PTPRG: variants seen among roughly 807,000 people sequenced by gnomAD.
PTPRG encodes the protein protein tyrosine phosphatase receptor type G.
PTPRG carries 102 observed loss-of-function variants against 165.3 expected under a neutral mutation model. The observed-to-expected ratio is 0.62, with a 90% CI of 0.53 to 0.73. The LOEUF is 0.73. PTPRG is among the 30% of genes least tolerant of loss of function. The pLI is 0.00. For missense variants in PTPRG, 1,866 were observed against 1,861.4 expected, an observed-to-expected ratio of 1.00 and a Z score of -0.05; for synonymous variants, 675 against 669.5, an observed-to-expected ratio of 1.01 and a Z score of -0.13.
At chr3:61,687,390 C>T (rs1468185077) in intron 1 of PTPRG, among the ~76,000 whole-genome samples, 1 of 152,184 alleles carries the variant, frequency 6.6e-6, no homozygotes, top group South Asian at 2.1e-4. Flanking sequence ...TCATACAACA[C>T]TGGTTAATGA....
At chr3:61,643,883 T>A (rs150819276) in intron 1 of PTPRG, among the ~76,000 whole-genome samples, 1,671 of 152,350 alleles carry the variant, frequency 0.011, 26 homozygotes, top group African/African-American at 0.038. Flanking sequence ...TGGATTCTTA[T>A]AGATGAACTA....
At chr3:61,563,464 G>C (rs1048726115) in intron 1 of PTPRG, among the ~76,000 whole-genome samples, 2 of 152,068 alleles carry the variant, frequency 1.3e-5, no homozygotes, top group African/African-American at 2.4e-5. Flanking sequence ...CAGGTCCCCC[G>C]GGCAGCAGCC....
At chr3:61,796,336 A>G (rs1372929362) in intron 2 of PTPRG, among the ~76,000 whole-genome samples, 1 of 152,208 alleles carries the variant, frequency 6.6e-6, no homozygotes, top group African/African-American at 2.4e-5. Context: ...GCCCTGCAGC[A>G]AAGATTATTG....
intron 12 of PTPRG, among the ~76,000 whole-genome samples, chr3:62,211,456 A>G (rs961819339): frequency 1.1e-4 from 17 of 152,358 alleles, no homozygotes; most frequent in East Asian, 1.9e-4. Context: ...ATAACTAAAC[A>G]TCACTGAATG....
At chr3:61,848,271 G>A (rs1222225641) in intron 2 of PTPRG, among the ~76,000 whole-genome samples, 3 of 152,294 alleles carry the variant, frequency 2.0e-5, no homozygotes, top group East Asian at 1.9e-4. Flanking sequence ...ACCTTCACGC[G>A]TGGTTGTGAC....
At chr3:62,266,381 C>A (rs1025040827) in intron 17 of PTPRG, among the ~76,000 whole-genome samples, 1 of 152,088 alleles carries the variant, frequency 6.6e-6, no homozygotes, top group African/African-American at 2.4e-5. Context: ...GTTACCAAAT[C>A]ACCTCCCAAA....
intron 1 of PTPRG, among the ~76,000 whole-genome samples, chr3:61,652,223 C>T (rs1273040315): frequency 6.6e-6 from 1 of 152,078 alleles, no homozygotes; most frequent in African/African-American, 2.4e-5. Context: ...CAGAGAATTG[C>T]TTGAACCTGG....
intron 2 of PTPRG, among the ~76,000 whole-genome samples, chr3:61,805,013 C>T (rs1575677609): frequency 6.6e-6 from 1 of 152,192 alleles, no homozygotes; most frequent in East Asian, 1.9e-4. Flanking sequence ...ATGGTGGCTC[C>T]CAGCTTCACT....
chr3:61,812,070 T>C (rs1385874425), intron 2 of PTPRG, among the ~76,000 whole-genome samples: 1 of 152,214 alleles, frequency 6.6e-6, no homozygotes, highest in Non-Finnish European at 1.5e-5. Context: ...AGCCTTAGTT[T>C]TTCAGGAGGT....
chr3:61,979,249 G>A (rs546958460), intron 2 of PTPRG, among the ~76,000 whole-genome samples: 16 of 152,240 alleles, frequency 1.1e-4, no homozygotes, highest in African/African-American at 3.4e-4. Context: ...GCACAGCACC[G>A]TTACTGATAA....
intron 5 of PTPRG, among the ~76,000 whole-genome samples, chr3:62,125,455 C>G (rs1703253351): frequency 6.6e-6 from 1 of 152,182 alleles, no homozygotes; most frequent in Non-Finnish European, 1.5e-5. Context: ...GAGTTCACAT[C>G]TAATGTGTTT....
At chr3:62,199,189 A>G (rs563478412) in intron 10 of PTPRG, among the ~76,000 whole-genome samples, 7 of 152,270 alleles carry the variant, frequency 4.6e-5, no homozygotes, top group African/African-American at 1.4e-4. Context: ...TGAAGTATTG[A>G]TCTTTGAGCA....
At chr3:61,978,518 G>A (rs2040561296) in intron 2 of PTPRG, among the ~76,000 whole-genome samples, 1 of 152,172 alleles carries the variant, frequency 6.6e-6, no homozygotes, top group African/African-American at 2.4e-5. Context: ...AATAAAATAA[G>A]TGGTGGATAT....
intron 1 of PTPRG, among the ~76,000 whole-genome samples, chr3:61,621,222 C>T (rs1029806602): frequency 1.3e-5 from 2 of 152,106 alleles, no homozygotes; most frequent in East Asian, 1.9e-4. Flanking sequence ...GTCTTATGCA[C>T]CCCTGGATAC....
Position 62,065,383 on chromosome 3 carries a change from G to T in PTPRG, c.520-12780G>T, listed in dbSNP as rs377432649. On this transcript the variant is annotated intron_variant, in intron 4 of 29. Coordinates refer to ENST00000474889, the MANE Select transcript of PTPRG (RefSeq NM_002841.4). ...AAAATGGGTCTTTCAGCACATGGTT[G>T]TAGATGGAACCATAGAAATCTGTCT... 2.2e-4 allele frequency among the ~76,000 whole-genome samples: 34 copies of T among 152,298 alleles called. No individual in the cohort carries two copies. The East Asian group carries it at 6.4e-3, about 29-fold the overall frequency.
chr3:62,292,314 C>CA, intron 28 of PTPRG, 107 bp from the exon 29 acceptor site: 1 of 1,258,424 alleles, frequency 7.9e-7, no homozygotes, highest in East Asian at 2.4e-5. Context: ...GAGTAAATGT[C>CA]AAAACAGTCT....
intron 4 of PTPRG, among the ~76,000 whole-genome samples, chr3:62,009,543 A>G (rs1446994004): frequency 1.3e-5 from 2 of 152,084 alleles, no homozygotes; most frequent in African/African-American, 4.8e-5. Context: ...AGCCTTCCTA[A>G]TGATTTGCCA....
intron 28 of PTPRG, 110 bp downstream of exon 28, chr3:62,282,979 C>A: frequency 1.1e-6 from 1 of 918,262 alleles, no homozygotes; most frequent in Non-Finnish European, 1.7e-6. Context: ...ACAACCTCAG[C>A]TTGTGACAAC....
At chr3:61,819,678 A>G (rs1297701689) in intron 2 of PTPRG, among the ~76,000 whole-genome samples, 2 of 152,224 alleles carry the variant, frequency 1.3e-5, no homozygotes, top group East Asian at 1.9e-4. Flanking sequence ...TAAACTGAGT[A>G]TCATGTTAAA....
Sources: allele counts gnomAD v4.1 joint callset (sites outside exome capture counted in the v4.1 genomes callset), GRCh38; gene constraint gnomAD v4.1.1; transcripts MANE v1.5; gene names NCBI Gene and HGNC (gene_info 2026-07-23, HGNC 2026-07-21).